PKHD1: variants seen among roughly 807,000 people sequenced by gnomAD.
PKHD1 encodes the protein PKHD1 ciliary IPT domain containing fibrocystin/polyductin, also known as fibrocystin.
PKHD1 carries 291 observed loss-of-function variants against 412.0 expected under a neutral mutation model. The ratio of observed to expected loss-of-function variants is 0.71; its 90% confidence interval spans 0.64 to 0.78. The LOEUF (loss-of-function observed/expected upper bound fraction) is 0.78. PKHD1 is among the 30% of genes least tolerant of loss of function. The probability of loss-of-function intolerance (pLI) is 0.00; values close to 1 mark genes in which losing one functional copy is unlikely to be tolerated. For synonymous variants in PKHD1, 1,777 were observed against 1,821.5 expected (o/e 0.98, Z 0.62); for missense variants, 4,825 against 4,950.7 (o/e 0.97, Z 0.76).
At chr6:52,054,663 G>C (rs1163045499) in intron 19 of PKHD1, among the ~76,000 whole-genome samples, 1 of 152,128 alleles carries the variant, frequency 6.6e-6, no homozygotes, top group East Asian at 1.9e-4. Flanking sequence ...ATATTCTAGG[G>C]GCTGGATAAT....
chr6:52,058,682 C>T, intron 15 of PKHD1, 81 bp from the exon 16 acceptor site: 1 of 1,388,458 alleles, frequency 7.2e-7, no homozygotes, highest in Non-Finnish European at 1.0e-6. Flanking sequence ...GTCTGAACTG[C>T]TACTATCAAG....
In PKHD1 at chr6:51,934,107, C is replaced by T. The variant is rs1787079663; in HGVS notation, c.6121+3G>A. 6.2e-7 allele frequency: 1 copy of T among 1,604,028 alleles called. No individual in the cohort carries two copies. The highest frequency in any genetic ancestry group is 8.5e-7 in the Non-Finnish European group (1 of 1,170,708). ...ATTTCCTCTGATCAATTGCCTCACT[C>T]ACCGTGCAGAGAAAGAGTTCCATTC... On this transcript the variant is annotated splice_donor_region_variant and intron_variant, in intron 37 of 66. Transcript: ENST00000371117.
intron 54 of PKHD1, among the ~76,000 whole-genome samples, chr6:51,775,333 T>C (rs1446091424): frequency 6.6e-6 from 1 of 151,832 alleles, no homozygotes; most frequent in Non-Finnish European, 1.5e-5. Flanking sequence ...TACATACATA[T>C]GGTTATACAA....
Position 51,666,699 on chromosome 6 carries a change from C to A in PKHD1, c.10157-6730G>T, listed in dbSNP as rs1298220644. ...CCCAATGCTATCCCTCCCCCCTCCC[C>A]CCACCCCACAACAGTCCCCAGAGTG... is the stretch of plus-strand genomic sequence containing the variant. On this transcript the variant is annotated intron_variant, in intron 60 of 66. Coordinates refer to ENST00000371117, the MANE Select transcript of PKHD1 (RefSeq NM_138694.4). Among the ~76,000 whole-genome samples the A allele has an allele frequency of 5.0e-5, 6 of 119,920 alleles. No individual in the cohort carries two copies. The South Asian group carries it at 2.0e-3, about 40-fold the overall frequency. The allele number at this position is 119,920 out of a possible 152,430, so 78.7% of individuals were successfully genotyped here.
At chr6:51,742,233 C>T (rs1277542358) in intron 60 of PKHD1, among the ~76,000 whole-genome samples, 1 of 152,222 alleles carries the variant, frequency 6.6e-6, no homozygotes, top group Non-Finnish European at 1.5e-5. Context: ...ATGCAACCAA[C>T]ACATTAAAAC....
In PKHD1 at chr6:51,733,934, A is replaced by G. The variant is rs552594472; in HGVS notation, c.10156+10451T>C. Among the ~76,000 whole-genome samples the G allele has an allele frequency of 8.5e-5, 13 of 152,346 alleles. No individual in the cohort carries two copies. The South Asian group carries it at 1.2e-3, about 15-fold the overall frequency. On this transcript the variant is annotated intron_variant, in intron 60 of 66. Coordinates refer to ENST00000371117, the MANE Select transcript of PKHD1 (RefSeq NM_138694.4). ...GGAAAATGAAAGGTAAAGGGCACGT[A>G]TGCATGTGAAGTGAAGCTGATTGAT...
intron 60 of PKHD1, chr6:51,741,040 T>C: frequency 1.9e-6 from 1 of 513,876 alleles, no homozygotes; most frequent in Middle Eastern, 3.4e-4. Flanking sequence ...GTAAATCGTG[T>C]GTAATATGAT....
At chr6:51,684,690 A>G (rs1582070683) in intron 60 of PKHD1, among the ~76,000 whole-genome samples, 1 of 152,126 alleles carries the variant, frequency 6.6e-6, no homozygotes, top group East Asian at 1.9e-4. Flanking sequence ...AAGATTTTAG[A>G]GACTGCTAGG....
chr6:51,664,347 G>A (rs1217620954), intron 60 of PKHD1, among the ~76,000 whole-genome samples: 1 of 152,180 alleles, frequency 6.6e-6, no homozygotes, highest in Non-Finnish European at 1.5e-5. Context: ...AGGGAGAAAA[G>A]GGTTTGAATC....
intron 60 of PKHD1, among the ~76,000 whole-genome samples, chr6:51,702,101 G>C (rs1312718107): frequency 4.5e-5 from 6 of 133,874 alleles, no homozygotes; most frequent in Non-Finnish European, 9.7e-5. Flanking sequence ...CAAAAATATG[G>C]AACCAGCCCA....
chr6:51,967,817 T>A (rs1361369153), intron 35 of PKHD1, among the ~76,000 whole-genome samples: 1 of 152,188 alleles, frequency 6.6e-6, no homozygotes, highest in Non-Finnish European at 1.5e-5. Flanking sequence ...ATGGAGCACG[T>A]GTTTGTGTTC....
chr6:51,855,752 A>G, intron 49 of PKHD1, 141 bp downstream of exon 49: 1 of 728,796 alleles, frequency 1.4e-6, no homozygotes, highest in East Asian at 2.5e-5. Flanking sequence ...ATACTATTGA[A>G]GTTTTCTTTA....
chr6:51,900,783 G>C (rs1469395043), intron 43 of PKHD1, among the ~76,000 whole-genome samples: 3 of 151,476 alleles, frequency 2.0e-5, no homozygotes, highest in Non-Finnish European at 4.4e-5. Flanking sequence ...CTGACAAAGG[G>C]CTAATATCCA....
At chr6:52,073,883 C>A (rs892358572) in intron 6 of PKHD1, among the ~76,000 whole-genome samples, 4 of 152,122 alleles carry the variant, frequency 2.6e-5, no homozygotes, top group Admixed American at 6.5e-5. Flanking sequence ...CTGTTCCATT[C>A]TCTTGGCTCT....
At chr6:51,960,057 GGTTGGTTGGTTGGCTGGTCTGTTGCTTC>G (rs1561991344) in intron 35 of PKHD1, 31 bp from the exon 36 acceptor site, 2 of 1,611,072 alleles carry the variant, frequency 1.2e-6, no homozygotes, top group Admixed American at 3.3e-5. Flanking sequence ...TTGGTGGGTT[GGTTGGTTGGTTGGCTGGTCTGTTGCTTC>G]GTTGGTTGGT....
intron 60 of PKHD1, among the ~76,000 whole-genome samples, chr6:51,741,348 T>A (rs183178717): frequency 6.6e-6 from 1 of 152,298 alleles, no homozygotes. Flanking sequence ...GACTTCCTTC[T>A]GAAAAAGCTT....
Position 51,654,978 on chromosome 6 carries a change from A to G in PKHD1, c.11174+3974T>C, listed in dbSNP as rs563906395. On this transcript the variant is annotated intron_variant, in intron 61 of 66. Transcript: ENST00000371117. ...AATGGAACAATTTTTAATTGTATGG[A>G]AAGCTTGCTTACGTAGAACATCTCA... 2.0e-5 allele frequency among the ~76,000 whole-genome samples: 3 copies of G among 152,214 alleles called. No homozygotes were observed. In the East Asian group the frequency reaches 5.8e-4, roughly 29 times the overall value.
chr6:51,637,699 T>C (rs371506603), intron 64 of PKHD1, among the ~76,000 whole-genome samples: 1 of 151,826 alleles, frequency 6.6e-6, no homozygotes, highest in South Asian at 2.1e-4. Context: ...AGGTCAGAAA[T>C]TCGAGACCAG....
chr6:51,623,507 A>C (rs1766877217), intron 66 of PKHD1, among the ~76,000 whole-genome samples: 2 of 152,116 alleles, frequency 1.3e-5, no homozygotes, highest in South Asian at 4.1e-4. Context: ...GAATCTTTTA[A>C]GTTATTCTTA....
Sources: gnomAD v4.1 joint callset for allele counts (sites outside exome capture counted in the v4.1 genomes callset) on GRCh38, gnomAD v4.1.1 for gene constraint, MANE v1.5 for transcripts, NCBI Gene and HGNC (gene_info 2026-07-23, HGNC 2026-07-21) for gene names.